CLN3: variants seen among roughly 807,000 people sequenced by gnomAD.
The protein encoded by CLN3 is battenin.
A neutral mutation model predicts 60.7 loss-of-function variants in CLN3; 49 were observed. That is an observed-to-expected ratio of 0.81 (90% CI 0.64 to 1.02). CLN3 has a LOEUF of 1.02. CLN3 is among the 50% of genes least tolerant of loss of function. CLN3 has a pLI of 0.00. For missense variants in CLN3, 516 were observed against 557.4 expected (o/e 0.93, Z 0.75); for synonymous variants, 256 against 245.8 (o/e 1.04, Z -0.39).
chr16:28,491,233 G>C (rs1352324950), intron 3 of CLN3, among the ~76,000 whole-genome samples: 1 of 152,036 alleles, frequency 6.6e-6, no homozygotes, highest in African/African-American at 2.4e-5. Context: ...AAACGTTAAG[G>C]CTGAATTGGC....
In CLN3 at chr16:28,484,016, C is replaced by T; in HGVS notation, c.780G>A (p.Glu260=). ...RQPLIRTEAP[E]SKPGSSSSLS... ...GTCTGTGTCTCCTACCTGGCTTCGA[C>T]TCCGGGGCCTCGGTTCTTATGAGGG... Residue 260 remains glutamate (E), a synonymous_variant, in exon 10 of 16, where the codon GAG becomes GAA. Transcript: ENST00000636147. The T allele has an allele frequency of 6.2e-7, 1 of 1,608,880 alleles. No individual in the cohort carries two copies.
At chr16:28,476,716 A>T (rs1174158616), downstream of CLN3, 1 of 152,556 alleles carries the variant, frequency 6.6e-6, no homozygotes, top group Non-Finnish European at 1.5e-5. Flanking sequence ...GCGCATACTC[A>T]GGATGATTCA....
downstream of CLN3, among the ~76,000 whole-genome samples, chr16:28,470,038 T>C (rs2045933482): frequency 6.9e-6 from 1 of 144,492 alleles, no homozygotes; most frequent in Non-Finnish European, 1.5e-5. Context: ...TTTGTTTTGG[T>C]CCATTTTGTT....
intron 3 of CLN3, 86 bp downstream of exon 3, chr16:28,491,396 G>A (rs2046310623): frequency 5.9e-6 from 9 of 1,532,680 alleles, no homozygotes; most frequent in Non-Finnish European, 8.0e-6. Context: ...GCTCCTTTGC[G>A]CAGCTTAACT....
intron 3 of CLN3, among the ~76,000 whole-genome samples, chr16:28,489,606 G>T (rs1467979042): frequency 6.6e-6 from 1 of 152,036 alleles, no homozygotes; most frequent in Non-Finnish European, 1.5e-5. Flanking sequence ...TTAAAAATTA[G>T]CCAGGTGTGG....
chr16:28,477,916 G>A (rs200136247), intron 14 of CLN3, 39 bp from the exon 15 acceptor site: 41 of 1,610,088 alleles, frequency 2.5e-5, no homozygotes, highest in Middle Eastern at 1.7e-4. Flanking sequence ...GGACCAGGGC[G>A]GGGCAGGGAA....
At chr16:28,483,332 G>A (rs929250368) in intron 10 of CLN3, among the ~76,000 whole-genome samples, 8 of 151,500 alleles carry the variant, frequency 5.3e-5, no homozygotes, top group Non-Finnish European at 1.0e-4. Flanking sequence ...AGTGATTCTC[G>A]TGCCTCAGCT....
downstream of CLN3, chr16:28,477,105 C>T (rs1013286780): frequency 1.3e-4 from 39 of 289,818 alleles, no homozygotes; most frequent in African/African-American, 8.2e-4. Context: ...CATTGCACTC[C>T]AGCCTAGGTG....
chr16:28,475,056 C>T (rs1285140116), downstream of CLN3, among the ~76,000 whole-genome samples: 2 of 152,186 alleles, frequency 1.3e-5, no homozygotes, highest in Non-Finnish European at 2.9e-5. Flanking sequence ...ACAAGACTAT[C>T]TTGGACAACA....
intron 12 of CLN3, 21 bp downstream of exon 12, chr16:28,482,456 C>T (rs765976753): frequency 6.2e-7 from 1 of 1,614,092 alleles, no homozygotes; most frequent in Non-Finnish European, 8.5e-7. Context: ...CTCCACACCC[C>T]TCCTAGCACC....
chr16:28,476,300 C>G (rs1276079382), downstream of CLN3: 1 of 151,106 alleles, frequency 6.6e-6, no homozygotes, highest in East Asian at 1.9e-4. Flanking sequence ...AATCTCAGTA[C>G]TTTGGGAGGC....
chr16:28,491,685 G>A, intron 2 of CLN3, 29 bp downstream of exon 2: 1 of 1,614,084 alleles, frequency 6.2e-7, no homozygotes, highest in Non-Finnish European at 8.5e-7. Context: ...AGAGGTGGTC[G>A]TTCCATGAGG....
At chr16:28,475,374 A>G (rs775427189), downstream of CLN3, 4 of 152,304 alleles carry the variant, frequency 2.6e-5, no homozygotes, top group East Asian at 1.9e-4. Flanking sequence ...GCTGATGTTT[A>G]TTGAGTGTTG....
intron 14 of CLN3, among the ~76,000 whole-genome samples, chr16:28,480,182 T>G (rs1450884395): frequency 6.6e-6 from 1 of 151,548 alleles, no homozygotes; most frequent in African/African-American, 2.4e-5. Context: ...CTCTCAAACT[T>G]CTGGGCTCAA....
chr16:28,475,617 C>T (rs1408424659), downstream of CLN3: 4 of 152,040 alleles, frequency 2.6e-5, no homozygotes, highest in Admixed American at 2.0e-4. Context: ...CATCACTGGT[C>T]GTAATGGAGT....
rs746616613 is a variant in CLN3 at position 28,482,215 on chromosome 16, G to T, written c.963-17C>A. 31 of 1,608,614 alleles carry T rather than the reference G, an allele frequency of 1.9e-5. No individual in the cohort carries two copies. Among genetic ancestry groups the T allele is most frequent in the Non-Finnish European group, 2.6e-5 (31 of 1,177,122 alleles). On this transcript the variant is annotated splice_polypyrimidine_tract_variant and intron_variant, in intron 13 of 15. Coordinates refer to ENST00000636147, the MANE Select transcript of CLN3 (RefSeq NM_001042432.2). ...ATCTGGTACCTGAGGTTAGGGTTGG[G>T]GGGAGGAGAGGAGGCTCCTCCAGGG... is the stretch of plus-strand genomic sequence containing the variant.
Position 28,477,868 on chromosome 16 carries a change from G to A in CLN3, c.1066C>T (p.Leu356=), listed in dbSNP as rs1222084100. The change falls in exon 15 of 16, where the codon CTG becomes TTG. Residue 356 remains leucine, a synonymous_variant. Transcript: ENST00000636147. ...WALALLQCLN[L]VFLLADVWFG... The stretch of plus-strand genomic sequence containing the variant: ...CACACGTCTGCCAGCAGGAACACCA[G>A]GTTGAGGCACTGTGAACAGGGGGAG... The A allele has an allele frequency of 5.0e-6, 8 of 1,613,900 alleles. No individual in the cohort carries two copies. Among genetic ancestry groups the A allele is most frequent in the Admixed American group, 1.7e-5 (1 of 59,996 alleles).
At chr16:28,473,689 G>C (rs1256164459), downstream of CLN3, among the ~76,000 whole-genome samples, 1 of 152,182 alleles carries the variant, frequency 6.6e-6, no homozygotes, top group Non-Finnish European at 1.5e-5. Context: ...TATCTTATAA[G>C]GGACTTCTGT....
downstream of CLN3, among the ~76,000 whole-genome samples, chr16:28,473,533 C>G (rs2045968679): frequency 6.6e-6 from 1 of 152,148 alleles, no homozygotes; most frequent in Non-Finnish European, 1.5e-5. Context: ...CTGGCTCCCA[C>G]TTAGATATGT....
Sources: gnomAD v4.1 joint callset for allele counts (sites outside exome capture counted in the v4.1 genomes callset) on GRCh38, gnomAD v4.1.1 for gene constraint, MANE v1.5 for transcripts, NCBI Gene and HGNC (gene_info 2026-07-23, HGNC 2026-07-21) for gene names.